Variants in MBNL2 observed in about 807,000 individuals in gnomAD.
The protein encoded by MBNL2 is muscleblind-like protein 2.
MBNL2 carries 17 observed loss-of-function variants against 41.9 expected under a neutral mutation model. The ratio of observed to expected loss-of-function variants is 0.41; its 90% CI spans 0.28 to 0.61. The LOEUF is 0.61. Among genes scored for constraint, MBNL2 ranks in the 20% least tolerant of loss-of-function variants. MBNL2 has a pLI of 0.35. For missense variants in MBNL2, 336 were observed against 505.6 expected (o/e 0.66, Z 3.22); for synonymous variants, 195 against 182.9 (o/e 1.07, Z -0.53).
chr13:97,194,391 T>A, the MBNL2 span, among the ~76,000 whole-genome samples: 2 of 152,168 alleles, frequency 1.3e-5, no homozygotes, highest in East Asian at 3.9e-4. Context: ...ATGTCAGTGA[T>A]CTCCAGAAAA....
the MBNL2 span, among the ~76,000 whole-genome samples, chr13:97,183,965 A>T: frequency 6.6e-6 from 1 of 152,240 alleles, no homozygotes; most frequent in African/African-American, 2.4e-5. Context: ...TGGTCTAATC[A>T]TTCTGATGAG....
intron 1 of MBNL2, among the ~76,000 whole-genome samples, chr13:97,254,897 AT>A: frequency 6.6e-6 from 1 of 152,328 alleles, no homozygotes; most frequent in African/African-American, 2.4e-5. Flanking sequence ...ATAAATCAGT[AT>A]TTCCAGCCGC....
intron 2 of MBNL2, among the ~76,000 whole-genome samples, chr13:97,281,086 C>G (rs1448004949): frequency 6.6e-6 from 1 of 152,196 alleles, no homozygotes; most frequent in African/African-American, 2.4e-5. Flanking sequence ...CTCTTGTATT[C>G]CTAGAACCTA....
At chr13:97,356,395 C>T (rs1483584339) in intron 5 of MBNL2, among the ~76,000 whole-genome samples, 2 of 146,862 alleles carry the variant, frequency 1.4e-5, no homozygotes, top group African/African-American at 2.6e-5. Flanking sequence ...AGAAGTTCTT[C>T]GATCCTATGG....
chr13:97,150,460 CA>C, the MBNL2 span, among the ~76,000 whole-genome samples: 1 of 152,058 alleles, frequency 6.6e-6, no homozygotes, highest in African/African-American at 2.4e-5. Flanking sequence ...TTTTCTAAGA[CA>C]AAAAATAACA....
chr13:97,301,307 A>T (rs533758639), intron 2 of MBNL2, among the ~76,000 whole-genome samples: 1 of 152,340 alleles, frequency 6.6e-6, no homozygotes, highest in African/African-American at 2.4e-5. Context: ...CCCTGATATT[A>T]CAGAGAGAGA....
intron 8 of MBNL2, among the ~76,000 whole-genome samples, chr13:97,370,322 G>A (rs2064242490): frequency 6.6e-6 from 1 of 152,172 alleles, no homozygotes; most frequent in South Asian, 2.1e-4. Context: ...GAGATGAGCT[G>A]GATTTGAACA....
chr13:97,262,579 C>T (rs1031372290), intron 1 of MBNL2, among the ~76,000 whole-genome samples: 1 of 152,116 alleles, frequency 6.6e-6, no homozygotes, highest in African/African-American at 2.4e-5. Context: ...TAAATCCCTT[C>T]TCCCTCTCTT....
At chr13:97,349,196 A>G (rs2062186649) in intron 5 of MBNL2, among the ~76,000 whole-genome samples, 1 of 152,102 alleles carries the variant, frequency 6.6e-6, no homozygotes, top group Non-Finnish European at 1.5e-5. Flanking sequence ...ATGTATCCAC[A>G]CAAGAGGGTC....
intron 1 of MBNL2, among the ~76,000 whole-genome samples, chr13:97,261,150 A>G (rs1010893413): frequency 6.6e-6 from 1 of 151,880 alleles, no homozygotes; most frequent in Admixed American, 6.6e-5. Flanking sequence ...ATAGAAAGGA[A>G]GCCCCCGGCT....
chr13:97,285,241 G>A (rs538259487), intron 2 of MBNL2, among the ~76,000 whole-genome samples: 3 of 152,214 alleles, frequency 2.0e-5, no homozygotes, highest in South Asian at 4.1e-4. Flanking sequence ...ACTTTATATC[G>A]TTTCACCTCT....
chr13:97,391,112 CT>C (rs2066370328), intron 8 of MBNL2, among the ~76,000 whole-genome samples: 1 of 152,130 alleles, frequency 6.6e-6, no homozygotes, highest in Non-Finnish European at 1.5e-5. Flanking sequence ...AATCATCTTT[CT>C]TTATAGTGGC....
intron 2 of MBNL2, among the ~76,000 whole-genome samples, chr13:97,321,043 A>G (rs1249246130): frequency 3.3e-5 from 5 of 152,040 alleles, no homozygotes; most frequent in African/African-American, 7.3e-5. Flanking sequence ...AGTCCACCCT[A>G]ATGTCCTCCC....
At chr13:97,272,227 G>C (rs2051194446) in intron 1 of MBNL2, among the ~76,000 whole-genome samples, 1 of 152,108 alleles carries the variant, frequency 6.6e-6, no homozygotes, top group Non-Finnish European at 1.5e-5. Flanking sequence ...GTCTTCTTTT[G>C]AGAAGTGTCT....
chr13:97,160,319 A>G, the MBNL2 span, among the ~76,000 whole-genome samples: 1 of 152,170 alleles, frequency 6.6e-6, no homozygotes, highest in East Asian at 1.9e-4. Context: ...TGCAAAAGGC[A>G]AGAAGAAGCC....
intron 2 of MBNL2, among the ~76,000 whole-genome samples, chr13:97,321,155 T>C (rs2059466298): frequency 6.6e-6 from 1 of 152,170 alleles, no homozygotes; most frequent in Non-Finnish European, 1.5e-5. Flanking sequence ...CAATTCAACA[T>C]GGTCAACCAG....
intron 8 of MBNL2, among the ~76,000 whole-genome samples, chr13:97,377,011 G>A (rs896082252): frequency 6.6e-6 from 1 of 152,096 alleles, no homozygotes; most frequent in Non-Finnish European, 1.5e-5. Context: ...TTAACGGATC[G>A]TGTAAGGGGC....
intron 1 of MBNL2, among the ~76,000 whole-genome samples, chr13:97,269,424 C>G (rs1366509469): frequency 1.3e-5 from 2 of 152,118 alleles, no homozygotes; most frequent in East Asian, 1.9e-4. Context: ...TGGAGGTGCC[C>G]TCTCCAGACA....
rs913622597 is a variant in MBNL2 at position 97,331,373 on chromosome 13, T to G, written c.175-2903T>G. ...AGCCAAGTTATGAGACCAGAATCTG[T>G]GAGCTTGATTACTCCTCCATCCTCC... On this transcript the variant is annotated intron_variant, in intron 2 of 8. Transcript: ENST00000679496. Among the ~76,000 whole-genome samples, 3 of 152,206 alleles carry G rather than the reference T, an allele frequency of 2.0e-5. No individual in the cohort carries two copies. The South Asian group carries it at 6.2e-4, about 31-fold the overall frequency.
Sources: gnomAD v4.1 joint callset for allele counts (sites outside exome capture counted in the v4.1 genomes callset) on GRCh38, gnomAD v4.1.1 for gene constraint, MANE v1.5 for transcripts, NCBI Gene and HGNC (gene_info 2026-07-23, HGNC 2026-07-21) for gene names.